The following YME1L1 variants were observed in gnomAD, a reference collection of about 807,000 sequenced individuals.
The protein encoded by YME1L1 is YME1 like 1 ATPase, also known as ATP-dependent zinc metalloprotease YME1L1.
YME1L1 carries 39 observed loss-of-function variants against 90.4 expected under a neutral mutation model. The observed-to-expected ratio is 0.43, with a 90% CI of 0.33 to 0.56. The LOEUF (loss-of-function observed/expected upper bound fraction) is 0.56, where lower values mean the gene tolerates loss of function less well. Ranked by LOEUF, YME1L1 falls within the 20% of genes least tolerant of loss-of-function variation. The pLI, the probability that YME1L1 is intolerant of heterozygous loss-of-function variation, is 0.03. For synonymous variants in YME1L1, 284 were observed against 287.3 expected, an observed-to-expected ratio of 0.99 and a Z score of 0.12; for missense variants, 617 against 868.4, an observed-to-expected ratio of 0.71 and a Z score of 3.64.
At position 27,117,587 on chromosome 10, in the gene YME1L1, T is replaced by C. The variant is rs761099253; in HGVS notation, c.1708A>G (p.Thr570Ala). The C allele has an allele frequency of 8.7e-6, 14 of 1,613,742 alleles. No individual in the cohort carries two copies. In the South Asian group the frequency reaches 1.5e-4, roughly 18 times the overall value. Residue 570 changes from threonine (T) to alanine (A), a missense_variant, in exon 15 of 19, where the codon ACA becomes GCA. By Grantham distance (58) the Thr-to-Ala change is moderately conservative. Coordinates refer to ENST00000376016, the MANE Select transcript of YME1L1 (RefSeq NM_014263.4). ...NKATIMPRGP[T>A]LGHVSLLPEN... ...TACAAAAAACTTACATGTCCAAGTG[T>C]TGGCCCCCGTGGCATGATTGTAGCT...
At chr10:27,119,145 A>C (rs2056841349) in intron 14 of YME1L1, 149 bp downstream of exon 14, 2 of 757,600 alleles carry the variant, frequency 2.6e-6, no homozygotes, top group Admixed American at 3.1e-5. Context: ...ATTTATTACA[A>C]ATCTTGAAAA....
At chr10:27,146,517 A>C (rs2057145127) in intron 2 of YME1L1, 1 of 152,222 alleles carries the variant, frequency 6.6e-6, no homozygotes, top group Non-Finnish European at 1.5e-5. Flanking sequence ...AGATCGTTTG[A>C]GGCCAGGAGT....
intron 3 of YME1L1, among the ~76,000 whole-genome samples, chr10:27,143,924 C>G (rs1465663289): frequency 6.6e-6 from 1 of 152,148 alleles, no homozygotes; most frequent in Non-Finnish European, 1.5e-5. Flanking sequence ...TCCTTCCTAA[C>G]TGCTTCTCTT....
At chr10:27,146,770 T>C (rs1476884272) in intron 2 of YME1L1, 3 of 152,890 alleles carry the variant, frequency 2.0e-5, no homozygotes, top group Non-Finnish European at 4.4e-5. Context: ...TATATAGCTC[T>C]GGACTGATGT....
chr10:27,116,235 G>C lies in YME1L1; in HGVS notation c.1830C>G (p.Thr610=). The stretch of plus-strand genomic sequence containing the variant: ...AAAGCTAACCTGTTGTAATATGGTC[G>C]GTTCCAAATATAAGCTCCTCTGCCA... ...GRVAEELIFG[T]DHITTGASSD... is the part of the protein sequence containing the mutation. The change falls in exon 16 of 19, where the codon ACC becomes ACG. Residue 610 remains threonine, a synonymous_variant. Transcript: ENST00000376016. 1 of 1,614,064 alleles carries C rather than the reference G, an allele frequency of 6.2e-7. No homozygotes were observed. Among genetic ancestry groups the C allele is most frequent in the Non-Finnish European group, 8.5e-7 (1 of 1,180,016 alleles).
rs1258559101 is a variant in YME1L1 at position 27,121,389 on chromosome 10, T to C, written c.1295A>G (p.Asp432Gly). ...IGATNFPEAL[D>G]NALIRPGRFD... ...AAAATCTTCTTTTAATACTTACTTA[T>C]CTAATGCCTCTGGGAAGTTTGTGGC... The change falls in exon 12 of 19, where the codon GAT (aspartate) becomes GGT (glycine). Residue 432 changes from aspartate (D) to glycine (G), a missense_variant. Transcript: ENST00000376016. 2 of 1,602,816 alleles carry C rather than the reference T, an allele frequency of 1.2e-6. No homozygotes were observed. The highest frequency in any genetic ancestry group is 1.7e-5 in the Admixed American group (1 of 59,984).
At chr10:27,113,130 G>C (rs2056774678) in intron 18 of YME1L1, among the ~76,000 whole-genome samples, 1 of 150,058 alleles carries the variant, frequency 6.7e-6, no homozygotes, top group Non-Finnish European at 1.5e-5. Flanking sequence ...TGAGGTGGGA[G>C]GATCACTTGA....
At chr10:27,144,552 A>G (rs779652382) in intron 3 of YME1L1, among the ~76,000 whole-genome samples, 19 of 152,138 alleles carry the variant, frequency 1.2e-4, no homozygotes, top group Non-Finnish European at 2.2e-4. Flanking sequence ...GTATGAACCC[A>G]CTTATTATAC....
Position 27,117,746 on chromosome 10 carries a change from A to G in YME1L1, c.1568-19T>C, listed in dbSNP as rs2056828253. ...TCAGGCCCTAAGATAAATTTAATTG[A>G]GTAAATACTCCATTAGAAAGGTATA... On this transcript the variant is annotated intron_variant, in intron 14 of 18. Coordinates refer to ENST00000376016, the MANE Select transcript of YME1L1 (RefSeq NM_014263.4). 1 of 1,612,030 alleles carries G rather than the reference A, an allele frequency of 6.2e-7. No homozygotes were observed. The highest frequency in any genetic ancestry group is 8.5e-7 in the Non-Finnish European group (1 of 1,178,394).
At chr10:27,137,023 C>CA (rs35090363) in intron 4 of YME1L1, among the ~76,000 whole-genome samples, 80,445 of 136,214 alleles carry the variant, frequency 0.59, 24,616 homozygotes, top group Non-Finnish European at 0.71. Flanking sequence ...ACTGTGATTT[C>CA]AAAAAAAAAA....
At chr10:27,137,614 T>G (rs993940587) in intron 4 of YME1L1, among the ~76,000 whole-genome samples, 1 of 152,196 alleles carries the variant, frequency 6.6e-6, no homozygotes, top group African/African-American at 2.4e-5. Flanking sequence ...CTAAATAATA[T>G]GAATCTTTTA....
At chr10:27,118,414 T>C (rs2056834682) in intron 14 of YME1L1, among the ~76,000 whole-genome samples, 1 of 152,198 alleles carries the variant, frequency 6.6e-6, no homozygotes. Flanking sequence ...CCCAAGTAGA[T>C]GGGACCACAG....
chr10:27,137,106 A>G (rs1043252069), intron 4 of YME1L1, among the ~76,000 whole-genome samples: 22 of 151,940 alleles, frequency 1.4e-4, no homozygotes, highest in East Asian at 1.9e-4. Flanking sequence ...GTAATTACAT[A>G]ATGTTTTTGA....
intron 1 of YME1L1, among the ~76,000 whole-genome samples, chr10:27,151,981 GTA>G (rs2057225159): frequency 6.6e-6 from 1 of 151,950 alleles, no homozygotes; most frequent in Non-Finnish European, 1.5e-5. Context: ...GTATCCCTGA[GTA>G]ATGAGATTAT....
intron 9 of YME1L1, among the ~76,000 whole-genome samples, chr10:27,125,458 GAAAAAAAAA>G (rs68143135): frequency 9.3e-6 from 1 of 107,712 alleles, no homozygotes; most frequent in African/African-American, 3.6e-5. Flanking sequence ...TGTTTCATTT[GAAAAAAAAA>G]AAAAAAAAAA....
intron 4 of YME1L1, among the ~76,000 whole-genome samples, chr10:27,137,445 ATATG>A (rs769211547): frequency 6.6e-6 from 1 of 152,172 alleles, no homozygotes; most frequent in Non-Finnish European, 1.5e-5. Flanking sequence ...ACATTCTTAT[ATATG>A]TATGTCAGCA....
chr10:27,143,649 G>A (rs1026925522), intron 3 of YME1L1, among the ~76,000 whole-genome samples: 1 of 144,474 alleles, frequency 6.9e-6, no homozygotes, highest in Non-Finnish European at 1.5e-5. Context: ...AGTGAGCCGA[G>A]ATTGCCCCAC....
In YME1L1 at chr10:27,117,586, G is replaced by A; in HGVS notation, c.1709C>T (p.Thr570Ile). ...CTACAAAAAACTTACATGTCCAAGT[G>A]TTGGCCCCCGTGGCATGATTGTAGC... ...NKATIMPRGP[T>I]LGHVSLLPEN... The change falls in exon 15 of 19, where the codon ACA (threonine) becomes ATA (isoleucine). Residue 570 changes from threonine (T) to isoleucine (I), a missense_variant. Coordinates refer to ENST00000376016, the MANE Select transcript of YME1L1 (RefSeq NM_014263.4). The A allele has an allele frequency of 1.2e-6, 2 of 1,613,690 alleles. No individual in the cohort carries two copies. The highest frequency in any genetic ancestry group is 1.7e-6 in the Non-Finnish European group (2 of 1,179,952).
At chr10:27,147,696 G>C (rs745508389) in intron 2 of YME1L1, 13 of 1,549,140 alleles carry the variant, frequency 8.4e-6, no homozygotes, top group Non-Finnish European at 1.0e-5. Flanking sequence ...TTGATTCCTG[G>C]TTGTGGTATG....
Sources: gnomAD v4.1 joint callset for allele counts (sites outside exome capture counted in the v4.1 genomes callset) on GRCh38, gnomAD v4.1.1 for gene constraint, MANE v1.5 for transcripts, NCBI Gene and HGNC (gene_info 2026-07-23, HGNC 2026-07-21) for gene names.